The following ZCWPW2 variants were observed in gnomAD, a reference collection of about 807,000 sequenced individuals.
ZCWPW2 encodes the protein zinc finger CW-type PWWP domain protein 2.
In ZCWPW2, 45 loss-of-function variants were observed where a neutral mutation model predicts 46.6. The observed-to-expected ratio is 0.96, with a 90% CI of 0.76 to 1.24. The LOEUF is 1.24. Ranked by LOEUF, ZCWPW2 falls within the 50% of genes most tolerant of loss-of-function variation. The pLI is 0.00. For missense variants in ZCWPW2, 429 were observed against 403.9 expected (o/e 1.06, Z -0.53); for synonymous variants, 152 against 137.1 (o/e 1.11, Z -0.76).
intron 1 of ZCWPW2, among the ~76,000 whole-genome samples, chr3:28,374,803 CTGATTTTTGTATGT>C (rs1336068081): frequency 6.6e-6 from 1 of 151,998 alleles, no homozygotes; most frequent in Non-Finnish European, 1.5e-5. Flanking sequence ...ATAAATGCTA[CTGATTTTTGTATGT>C]TGATTTTGTA....
At chr3:28,489,471 C>A (rs181562018) in intron 5 of ZCWPW2, among the ~76,000 whole-genome samples, 2 of 151,792 alleles carry the variant, frequency 1.3e-5, no homozygotes, top group East Asian at 3.9e-4. Context: ...TTGAAACACG[C>A]TGATATTTTA....
chr3:28,462,747 T>C (rs1049728150), intron 4 of ZCWPW2, among the ~76,000 whole-genome samples: 1 of 152,218 alleles, frequency 6.6e-6, no homozygotes, highest in Admixed American at 6.5e-5. Flanking sequence ...TTCTGCCAGA[T>C]TGCAAATTTC....
chr3:28,399,033 C>T (rs1695817200), intron 2 of ZCWPW2, among the ~76,000 whole-genome samples: 1 of 152,160 alleles, frequency 6.6e-6, no homozygotes, highest in Non-Finnish European at 1.5e-5. Context: ...AGGCAGGTAG[C>T]CTGGGGCAAG....
chr3:28,479,548 G>A (rs1294686078), intron 5 of ZCWPW2, among the ~76,000 whole-genome samples: 3 of 152,160 alleles, frequency 2.0e-5, no homozygotes, highest in Non-Finnish European at 4.4e-5. Flanking sequence ...TCTAAGTTCA[G>A]GGGTACATGT....
chr3:28,379,021 G>T (rs943791090), intron 1 of ZCWPW2, among the ~76,000 whole-genome samples: 8 of 152,266 alleles, frequency 5.3e-5, no homozygotes, highest in Admixed American at 5.2e-4. Context: ...AAAATATCAG[G>T]TGTGCCTTAT....
At chr3:28,514,257 A>T in intron 7 of ZCWPW2, 135 bp downstream of exon 7, 2 of 531,924 alleles carry the variant, frequency 3.8e-6, no homozygotes, top group Non-Finnish European at 5.8e-6. Flanking sequence ...GGGCAATTGC[A>T]TGGATCTGCT....
At chr3:28,403,094 G>C in intron 2 of ZCWPW2, among the ~76,000 whole-genome samples, 1 of 152,148 alleles carries the variant, frequency 6.6e-6, no homozygotes, top group Admixed American at 6.5e-5. Flanking sequence ...AATCAGTAAA[G>C]AGAAAGTCAA....
rs149218449 is a variant in ZCWPW2 at position 28,420,743 on chromosome 3, C to T, written c.332+7343C>T. On this transcript the variant is annotated intron_variant, in intron 3 of 9. Transcript: ENST00000383768. ...TTTACCATAACAACTTTATATTAGA[C>T]TCTACTGTAATCTTTTCTTCTTGAG... Among the ~76,000 whole-genome samples, 389 of 152,074 alleles carry T rather than the reference C, an allele frequency of 2.6e-3. 1 individual carries two copies. Among genetic ancestry groups the T allele is most frequent in the African/African-American group, 8.5e-3 (353 of 41,514 alleles).
At chr3:28,430,612 A>G (rs1364239910) in intron 3 of ZCWPW2, among the ~76,000 whole-genome samples, 2 of 152,148 alleles carry the variant, frequency 1.3e-5, no homozygotes, top group Non-Finnish European at 2.9e-5. Flanking sequence ...GCAGAATGAT[A>G]TGGTTTGGCT....
chr3:28,486,308 A>G (rs1488165755), intron 5 of ZCWPW2, among the ~76,000 whole-genome samples: 2 of 152,178 alleles, frequency 1.3e-5, no homozygotes, highest in Non-Finnish European at 2.9e-5. Flanking sequence ...ATGCATAAGT[A>G]TACATAATTA....
chr3:28,388,335 G>A (rs1447454043), intron 1 of ZCWPW2, among the ~76,000 whole-genome samples: 2 of 152,028 alleles, frequency 1.3e-5, no homozygotes, highest in Non-Finnish European at 2.9e-5. Context: ...TCCCCCCCTT[G>A]TCAACCTGAC....
chr3:28,466,935 AC>A (rs930530266), intron 4 of ZCWPW2, among the ~76,000 whole-genome samples: 10 of 152,334 alleles, frequency 6.6e-5, no homozygotes, highest in Middle Eastern at 3.4e-3. Flanking sequence ...ATTAAAAAAA[AC>A]AATTGAGACT....
intron 2 of ZCWPW2, among the ~76,000 whole-genome samples, chr3:28,411,011 C>A (rs1185479708): frequency 5.9e-5 from 9 of 151,944 alleles, no homozygotes; most frequent in Admixed American, 4.6e-4. Context: ...AATGGGGGAA[C>A]ATTTTTTACT....
chr3:28,471,385 A>G (rs1392306558), intron 4 of ZCWPW2, among the ~76,000 whole-genome samples: 2 of 152,292 alleles, frequency 1.3e-5, no homozygotes, highest in East Asian at 3.9e-4. Flanking sequence ...ATTAAACAAC[A>G]CATTAACACG....
At chr3:28,381,430 G>T (rs185011177) in intron 1 of ZCWPW2, among the ~76,000 whole-genome samples, 3 of 152,124 alleles carry the variant, frequency 2.0e-5, no homozygotes, top group East Asian at 3.9e-4. Flanking sequence ...CATCATGAAG[G>T]TCTTCGTCCT....
chr3:28,483,984 T>TA (rs1238213358), intron 5 of ZCWPW2, among the ~76,000 whole-genome samples: 1 of 152,184 alleles, frequency 6.6e-6, no homozygotes, highest in Non-Finnish European at 1.5e-5. Flanking sequence ...TTTATTGTCT[T>TA]ACTGCGTTAT....
At chr3:28,482,454 G>A (rs1482194153) in intron 5 of ZCWPW2, among the ~76,000 whole-genome samples, 2 of 152,192 alleles carry the variant, frequency 1.3e-5, no homozygotes, top group Non-Finnish European at 2.9e-5. Flanking sequence ...TAAAGCTGCT[G>A]TAAACATATA....
intron 8 of ZCWPW2, among the ~76,000 whole-genome samples, chr3:28,518,654 A>G (rs1700643204): frequency 6.6e-6 from 1 of 152,184 alleles, no homozygotes; most frequent in Non-Finnish European, 1.5e-5. Context: ...CCATTTCGCA[A>G]TGATATTTAT....
At chr3:28,522,053 G>T (rs1055279612) in intron 9 of ZCWPW2, among the ~76,000 whole-genome samples, 1 of 152,086 alleles carries the variant, frequency 6.6e-6, no homozygotes, top group African/African-American at 2.4e-5. Context: ...TCATAGGTGG[G>T]AATTGAACAA....
Sources: gnomAD v4.1 joint callset for allele counts (sites outside exome capture counted in the v4.1 genomes callset) on GRCh38, gnomAD v4.1.1 for gene constraint, MANE v1.5 for transcripts, NCBI Gene and HGNC (gene_info 2026-07-23, HGNC 2026-07-21) for gene names.